MYO5B: variants seen among roughly 807,000 people sequenced by gnomAD.
The protein encoded by MYO5B is myosin VB.
MYO5B carries 143 observed loss-of-function variants against 229.3 expected under a neutral mutation model. The observed-to-expected ratio is 0.62, with a 90% CI of 0.54 to 0.72. The LOEUF is 0.72. Ranked by LOEUF, MYO5B falls within the 30% of genes least tolerant of loss-of-function variation. The pLI is 0.00. For missense variants in MYO5B, 2,321 were observed against 2,331.0 expected (o/e 1.00, Z 0.09); for synonymous variants, 918 against 885.2 (o/e 1.04, Z -0.66).
At chr18:49,952,446 C>T (rs1395576216) in intron 14 of MYO5B, among the ~76,000 whole-genome samples, 1 of 151,646 alleles carries the variant, frequency 6.6e-6, no homozygotes, top group Non-Finnish European at 1.5e-5. Flanking sequence ...CCTGACTCTA[C>T]CACCCTCTCC....
At chr18:50,087,984 G>A (rs1193663642) in intron 1 of MYO5B, among the ~76,000 whole-genome samples, 2 of 152,196 alleles carry the variant, frequency 1.3e-5, no homozygotes, top group South Asian at 2.1e-4. Flanking sequence ...GATTCTTTTG[G>A]CTGGAAGGTT....
intron 5 of MYO5B, among the ~76,000 whole-genome samples, chr18:49,997,717 T>C (rs1289779725): frequency 6.6e-6 from 1 of 152,026 alleles, no homozygotes; most frequent in African/African-American, 2.4e-5. Context: ...CCCCAGCCAA[T>C]CTCAATCCAT....
chr18:50,055,261 C>T lies in MYO5B; in HGVS notation c.138+7G>A, dbSNP rs776436648. On this transcript the variant is annotated splice_region_variant and intron_variant, in intron 2 of 39. Coordinates refer to ENST00000285039, the MANE Select transcript of MYO5B (RefSeq NM_001080467.3). Reference sequence around the variant, plus strand: ...CCCCCGCCCCCCTGCCCCGGACTCACTCTTACCGTTTCATCCTCCAGTCTG... The same window carrying T: ...CCCCCGCCCCCCTGCCCCGGACTCATTCTTACCGTTTCATCCTCCAGTCTG... 6.6e-7 allele frequency: 1 copy of T among 1,518,352 alleles called. No individual in the cohort carries two copies. Among genetic ancestry groups the T allele is most frequent in the Non-Finnish European group, 9.1e-7 (1 of 1,097,674 alleles). 94.1% of individuals were successfully genotyped at this position (1,518,352 alleles called of 1,614,324 possible). A position where few individuals can be genotyped will look rare whatever the true frequency, so the allele number is the denominator to read the frequency against.
chr18:49,939,893 ACAT>A (rs2025294487), intron 14 of MYO5B, among the ~76,000 whole-genome samples: 2 of 152,362 alleles, frequency 1.3e-5, no homozygotes, highest in Admixed American at 1.3e-4. Context: ...TCTCTAGCTG[ACAT>A]CATCTCCTGA....
At position 49,839,870 on chromosome 18, in the gene MYO5B, G is replaced by A. The variant is rs149954857; in HGVS notation, c.4702-576C>T. Reference sequence around the variant, plus strand: ...TAAGGGAACTGCTGATATCAGAAGGGCTCATGTGACCAATGTCCTTTTCAT... The same window carrying A: ...TAAGGGAACTGCTGATATCAGAAGGACTCATGTGACCAATGTCCTTTTCAT... On this transcript the variant is annotated intron_variant, in intron 35 of 39. Transcript: ENST00000285039. 1,205 of 164,936 alleles carry A rather than the reference G, an allele frequency of 7.3e-3. 21 individuals are homozygous for A. Among genetic ancestry groups the A allele is most frequent in the African/African-American group, 0.027 (1,133 of 41,754 alleles). The allele number at this position is 164,936 out of a possible 1,614,324, so 10.2% of individuals were successfully genotyped here. A position where few individuals can be genotyped will look rare whatever the true frequency, so the allele number is the denominator to read the frequency against.
chr18:50,023,033 C>T (rs2144361129), intron 4 of MYO5B, among the ~76,000 whole-genome samples: 1 of 152,116 alleles, frequency 6.6e-6, no homozygotes, highest in South Asian at 2.1e-4. Context: ...GTGGAATTTG[C>T]TGCTTTGTCA....
intron 1 of MYO5B, among the ~76,000 whole-genome samples, chr18:50,176,617 A>C (rs1329576635): frequency 6.6e-6 from 1 of 152,216 alleles, no homozygotes; most frequent in Non-Finnish European, 1.5e-5. Flanking sequence ...TCCCTGACCA[A>C]AACTTCTTGA....
In MYO5B at chr18:49,837,817, C is replaced by G. The variant is rs886053874; in HGVS notation, c.4853-15G>C. ...CATGGCAGAAACTGAAATAAAAGCA[C>G]AGTTAGAGAAGCTTGCATTCCCCAC... On this transcript the variant is annotated splice_polypyrimidine_tract_variant and intron_variant, in intron 36 of 39. Coordinates refer to ENST00000285039, the MANE Select transcript of MYO5B (RefSeq NM_001080467.3). 1 of 1,613,744 alleles carries G rather than the reference C, an allele frequency of 6.2e-7. No individual in the cohort carries two copies. The highest frequency in any genetic ancestry group is 8.5e-7 in the Non-Finnish European group (1 of 1,180,012).
chr18:49,954,336 T>TG lies in MYO5B; in HGVS notation c.1644dup (p.Ile549HisfsTer14). 6.2e-7 allele frequency: 1 copy of TG among 1,614,010 alleles called. No homozygotes were observed. Among genetic ancestry groups the TG allele is most frequent in the Non-Finnish European group, 8.5e-7 (1 of 1,179,956 alleles). ...ACCTTGTCTGCAAAGTGGACGATGATGAAGGCCGTGTTGGACATGCGGGGC... is the reference window on the plus strand; with the variant it reads ...ACCTTGTCTGCAAAGTGGACGATGATGGAAGGCCGTGTTGGACATGCGGGGC... On this transcript the variant is annotated frameshift_variant, in exon 13 of 40. Transcript: ENST00000285039. LOFTEE classifies it high-confidence loss of function.
chr18:50,112,350 T>C (rs1240875590), intron 1 of MYO5B, among the ~76,000 whole-genome samples: 7 of 152,220 alleles, frequency 4.6e-5, no homozygotes, highest in Middle Eastern at 6.8e-3. Flanking sequence ...AGGATAAATA[T>C]GGAATCCTCC....
rs751760150 is a variant in MYO5B at position 49,992,341 on chromosome 18, T to C, written c.703A>G (p.Ile235Val). ...QIGFDKRYHI[I>V]GANMRTYLLE... ...AGGTAAGTCCTCATGTTGGCCCCGA[T>C]GATGTGGTACCTTTTGTCAAAGCCA... is the stretch of plus-strand genomic sequence containing the variant. The change falls in exon 6 of 40, where the codon ATC becomes GTC. Residue 235 changes from isoleucine (I) to valine (V), a missense_variant. Ile to Val is a conservative substitution (Grantham distance 29). This residue lies in a region of MYO5B where 2,113 missense variants were observed against 2,044.7 expected (regional missense o/e 1.03). Transcript: ENST00000285039. 3 of 1,614,176 alleles carry C rather than the reference T, an allele frequency of 1.9e-6. No individual in the cohort carries two copies. Among genetic ancestry groups the C allele is most frequent in the East Asian group, 2.2e-5 (1 of 44,882 alleles).
chr18:49,896,347 G>T (rs1002801540), intron 21 of MYO5B, among the ~76,000 whole-genome samples: 18 of 152,188 alleles, frequency 1.2e-4, no homozygotes, highest in African/African-American at 4.1e-4. Context: ...TCTGCCTGCA[G>T]CCTTGATCTA....
At chr18:50,135,401 A>C (rs539851746) in intron 1 of MYO5B, among the ~76,000 whole-genome samples, 2 of 152,364 alleles carry the variant, frequency 1.3e-5, no homozygotes, top group East Asian at 3.9e-4. Flanking sequence ...TGGATAATCC[A>C]ACATGTCAAG....
chr18:49,839,178 A>C lies in MYO5B; in HGVS notation c.4818T>G (p.Ile1606Met). The C allele has an allele frequency of 6.2e-7, 1 of 1,614,078 alleles. No homozygotes were observed. Among genetic ancestry groups the C allele is most frequent in the South Asian group, 1.1e-5 (1 of 91,078 alleles). ...DLSIQIYQQL[I>M]KIAEGVLQPM... ...GCTGTAACACGCCCTCGGCAATTTT[A>C]ATGAGCTGCTGGTAGATCTGAATGG... Residue 1606 changes from isoleucine to methionine, a missense_variant, in exon 36 of 40, where the codon ATT (isoleucine) becomes ATG (methionine). Around this residue, in one of 2 missense-constraint regions of MYO5B, gnomAD observed 2,113 missense variants for 2,044.7 expected, o/e 1.03. Coordinates refer to ENST00000285039, the MANE Select transcript of MYO5B (RefSeq NM_001080467.3).
At chr18:50,191,765 C>A (rs2033231039) in intron 1 of MYO5B, among the ~76,000 whole-genome samples, 1 of 152,108 alleles carries the variant, frequency 6.6e-6, no homozygotes, top group South Asian at 2.1e-4. Context: ...CCAAAACAAA[C>A]CCATAGTTTT....
At chr18:50,122,439 T>TTAAAAAAAAAAA in intron 1 of MYO5B, among the ~76,000 whole-genome samples, 1 of 41,888 alleles carries the variant, frequency 2.4e-5, no homozygotes, top group East Asian at 8.3e-4. Context: ...CTGTCTCAAC[T>TTAAAAAAAAAAA]AAAAAAAAAA....
intron 36 of MYO5B, 112 bp from the exon 37 acceptor site, chr18:49,837,914 G>T: frequency 7.3e-7 from 1 of 1,372,056 alleles, no homozygotes; most frequent in Non-Finnish European, 1.0e-6. Context: ...ATCCAGAGGT[G>T]TGCAATGTTG....
intron 1 of MYO5B, among the ~76,000 whole-genome samples, chr18:50,112,452 C>G (rs997252997): frequency 2.6e-5 from 4 of 152,216 alleles, no homozygotes; most frequent in Non-Finnish European, 5.9e-5. Flanking sequence ...GCCGAGCCAC[C>G]CACCCACCTG....
At chr18:49,855,651 T>C (rs1309299186) in intron 30 of MYO5B, among the ~76,000 whole-genome samples, 1 of 152,218 alleles carries the variant, frequency 6.6e-6, no homozygotes, top group East Asian at 1.9e-4. Context: ...ACCTTATTCC[T>C]TATAATGCCC....
Sources: gnomAD v4.1 joint callset for allele counts (sites outside exome capture counted in the v4.1 genomes callset) on GRCh38, gnomAD v4.1.1 for gene constraint, gnomAD v4.1.1 regional missense constraint, MANE v1.5 for transcripts, NCBI Gene and HGNC (gene_info 2026-07-23, HGNC 2026-07-21) for gene names.